CWC27: variants seen among roughly 807,000 people sequenced by gnomAD.
CWC27 encodes CWC27 spliceosome associated cyclophilin.
Under a neutral mutation model 63.6 loss-of-function variants are expected in CWC27, and 47 were observed. The ratio of observed to expected loss-of-function variants is 0.74; its 90% confidence interval spans 0.58 to 0.94. CWC27 has a LOEUF of 0.94. Among genes scored for constraint, CWC27 ranks in the 40% least tolerant of loss-of-function variants. The pLI is 0.00. For synonymous variants in CWC27, 175 were observed against 179.8 expected (o/e 0.97, Z 0.22); for missense variants, 495 against 554.3 (o/e 0.89, Z 1.07).
chr5:64,892,972 A>G (rs1183251625), intron 11 of CWC27, among the ~76,000 whole-genome samples: 1 of 152,236 alleles, frequency 6.6e-6, no homozygotes, highest in Non-Finnish European at 1.5e-5. Context: ...GATTACATTC[A>G]GGTTAGGTAT....
chr5:64,955,856 A>G (rs1422905505), intron 11 of CWC27, among the ~76,000 whole-genome samples: 1 of 152,192 alleles, frequency 6.6e-6, no homozygotes, highest in African/African-American at 2.4e-5. Context: ...TAATTTTACC[A>G]GGATATTTTC....
intron 10 of CWC27, among the ~76,000 whole-genome samples, chr5:64,848,126 G>C (rs1746037865): frequency 6.6e-6 from 1 of 151,968 alleles, no homozygotes; most frequent in African/African-American, 2.4e-5. Flanking sequence ...GCTAACTTAA[G>C]AGAAAAGGAG....
In CWC27 at chr5:64,994,267, T is replaced by C. The variant is rs540230727; in HGVS notation, c.1256+17029T>C. Among the ~76,000 whole-genome samples the C allele has an allele frequency of 8.3e-4, 126 of 152,286 alleles. 1 individual carries two copies. The highest frequency in any genetic ancestry group is 2.7e-3 in the African/African-American group (114 of 41,568). On this transcript the variant is annotated intron_variant, in intron 13 of 13. Coordinates refer to ENST00000381070, the MANE Select transcript of CWC27 (RefSeq NM_005869.4). ...TTTTTCTCCCTTTCTCTTTTCAGTATACTGTCAACATTTTTCACATTATTA... is the reference window on the plus strand; with the variant it reads ...TTTTTCTCCCTTTCTCTTTTCAGTACACTGTCAACATTTTTCACATTATTA...
At chr5:65,002,260 A>G (rs571371018) in intron 13 of CWC27, among the ~76,000 whole-genome samples, 156 of 152,202 alleles carry the variant, frequency 1.0e-3, no homozygotes, top group African/African-American at 3.6e-3. Context: ...AAAAAAACCA[A>G]CTTTTCATTT....
intron 7 of CWC27, among the ~76,000 whole-genome samples, chr5:64,798,572 C>T (rs1050009862): frequency 2.6e-5 from 4 of 152,008 alleles, no homozygotes; most frequent in Admixed American, 6.6e-5. Flanking sequence ...CAAATAATAG[C>T]ATATTTAGAT....
rs576365307 is a variant in CWC27 at position 64,933,567 on chromosome 5, G to A, written c.1043-38136G>A. Among the ~76,000 whole-genome samples, 5 of 147,994 alleles carry A rather than the reference G, an allele frequency of 3.4e-5. No homozygotes were observed. The East Asian group carries it at 6.0e-4, about 18-fold the overall frequency. On this transcript the variant is annotated intron_variant, in intron 11 of 13. Coordinates refer to ENST00000381070, the MANE Select transcript of CWC27 (RefSeq NM_005869.4). ...GAGTACAGTGGCGCGATCTCGGCTC[G>A]CTGCAACCTCCACCTCCCAGGTTCA...
intron 10 of CWC27, among the ~76,000 whole-genome samples, chr5:64,847,050 A>G (rs1428308392): frequency 6.6e-6 from 1 of 151,972 alleles, no homozygotes; most frequent in African/African-American, 2.4e-5. Flanking sequence ...ACATATCAAT[A>G]ATTACCTTGC....
At chr5:64,893,416 C>T (rs1297226145) in intron 11 of CWC27, among the ~76,000 whole-genome samples, 1 of 152,160 alleles carries the variant, frequency 6.6e-6, no homozygotes, top group South Asian at 2.1e-4. Flanking sequence ...TTGCATTAAA[C>T]CTTACTTTGT....
intron 10 of CWC27, among the ~76,000 whole-genome samples, chr5:64,856,412 A>G (rs1350820654): frequency 6.6e-6 from 1 of 151,622 alleles, no homozygotes; most frequent in African/African-American, 2.4e-5. Context: ...ATATTTTGAG[A>G]GTTGTTATTC....
At chr5:64,807,901 T>A (rs1488028989) in intron 10 of CWC27, 1 of 1,445,486 alleles carries the variant, frequency 6.9e-7, no homozygotes, top group East Asian at 2.5e-5. Context: ...CCCTACCTCC[T>A]TCCTATTTAT....
In CWC27 at chr5:64,895,763, T is replaced by A. The variant is rs899166391; in HGVS notation, c.1042+10217T>A. Among the ~76,000 whole-genome samples, 5 of 152,116 alleles carry A rather than the reference T, an allele frequency of 3.3e-5. No individual in the cohort carries two copies. The East Asian group carries it at 5.8e-4, about 18-fold the overall frequency. ...ACGTGATTTAAAAACAAAGAAGATA[T>A]AGAAATGAAAAATATAATAGTTAAC... On this transcript the variant is annotated intron_variant, in intron 11 of 13. Coordinates refer to ENST00000381070, the MANE Select transcript of CWC27 (RefSeq NM_005869.4).
At chr5:65,003,418 G>A (rs1344362741) in intron 13 of CWC27, among the ~76,000 whole-genome samples, 2 of 150,736 alleles carry the variant, frequency 1.3e-5, no homozygotes, top group Admixed American at 6.6e-5. Context: ...CCTATTTTTT[G>A]TTGCAGTTTT....
At chr5:64,909,186 T>G (rs1426591082) in intron 11 of CWC27, among the ~76,000 whole-genome samples, 4 of 152,194 alleles carry the variant, frequency 2.6e-5, no homozygotes, top group African/African-American at 9.6e-5. Flanking sequence ...GAAAATTCTT[T>G]TCTTTAAGAA....
At chr5:64,844,715 A>T (rs865874774) in intron 10 of CWC27, among the ~76,000 whole-genome samples, 22 of 152,208 alleles carry the variant, frequency 1.4e-4, no homozygotes, top group African/African-American at 4.8e-4. Flanking sequence ...TTCAGCCAAT[A>T]AGCCATTCCA....
intron 11 of CWC27, among the ~76,000 whole-genome samples, chr5:64,931,197 G>C (rs1465464309): frequency 1.3e-5 from 2 of 151,874 alleles, no homozygotes; most frequent in Non-Finnish European, 2.9e-5. Context: ...GATTATTCTT[G>C]TTCTTATGAA....
chr5:64,900,751 C>G (rs1015680164), intron 11 of CWC27, among the ~76,000 whole-genome samples: 4 of 152,014 alleles, frequency 2.6e-5, no homozygotes, highest in African/African-American at 9.7e-5. Context: ...TATCCCTTAA[C>G]AATGGGGATA....
intron 10 of CWC27, among the ~76,000 whole-genome samples, chr5:64,850,189 A>G (rs1746100068): frequency 6.6e-6 from 1 of 150,386 alleles, no homozygotes; most frequent in Non-Finnish European, 1.5e-5. Context: ...TACCTATACT[A>G]CAAAGTTGTA....
In CWC27 at chr5:64,803,648, T is replaced by C. The variant is rs1331305903; in HGVS notation, c.781-581T>C. Among the ~76,000 whole-genome samples, 6 of 152,112 alleles carry C rather than the reference T, an allele frequency of 3.9e-5. No individual in the cohort carries two copies. The East Asian group carries it at 1.2e-3, about 29-fold the overall frequency. Reference sequence around the variant, plus strand: ...AGAGATATCTGGAATAGAGTATTTGTTTCAGGCTGGAGAGAACAACAACTC... The same window carrying C: ...AGAGATATCTGGAATAGAGTATTTGCTTCAGGCTGGAGAGAACAACAACTC... On this transcript the variant is annotated intron_variant, in intron 9 of 13. Coordinates refer to ENST00000381070, the MANE Select transcript of CWC27 (RefSeq NM_005869.4).
At chr5:64,959,213 C>G (rs771167204) in intron 11 of CWC27, among the ~76,000 whole-genome samples, 20 of 152,002 alleles carry the variant, frequency 1.3e-4, no homozygotes, top group Non-Finnish European at 2.4e-4. Flanking sequence ...CTCCATTGGA[C>G]AAGTTTTCTT....
Sources: allele counts gnomAD v4.1 joint callset (sites outside exome capture counted in the v4.1 genomes callset), GRCh38; gene constraint gnomAD v4.1.1; transcripts MANE v1.5; gene names NCBI Gene and HGNC (gene_info 2026-07-23, HGNC 2026-07-21).